The following TENM3 variants were observed in gnomAD, a reference collection of about 807,000 sequenced individuals.
TENM3 encodes teneurin transmembrane protein 3.
In TENM3, 63 loss-of-function variants were observed where a neutral mutation model predicts 255.1. The observed-to-expected ratio is 0.25, with a 90% CI of 0.20 to 0.30. TENM3 has a LOEUF of 0.30. TENM3 is among the 10% of genes least tolerant of loss of function. The pLI is 1.00. For synonymous variants in TENM3, 1,306 were observed against 1,322.3 expected, an observed-to-expected ratio of 0.99 and a Z score of 0.27; for missense variants, 2,929 against 3,461.1, an observed-to-expected ratio of 0.85 and a Z score of 3.86.
the TENM3 span, among the ~76,000 whole-genome samples, chr4:181,869,678 A>G: frequency 6.6e-6 from 1 of 152,180 alleles, no homozygotes; most frequent in Non-Finnish European, 1.5e-5. Flanking sequence ...TTTGAGATTT[A>G]GAGAGATGTA....
At chr4:181,812,118 C>A in the TENM3 span, among the ~76,000 whole-genome samples, 1 of 152,136 alleles carries the variant, frequency 6.6e-6, no homozygotes, top group Non-Finnish European at 1.5e-5. Context: ...CAAAATGACA[C>A]AAATCTGGCC....
chr4:181,888,527 CATATATGTGTAT>C, the TENM3 span, among the ~76,000 whole-genome samples: 2 of 65,298 alleles, frequency 3.1e-5, no homozygotes, highest in African/African-American at 7.4e-5. Context: ...TATATATATA[CATATATGTGTAT>C]ATATATATAT....
chr4:181,646,075 G>A, the TENM3 span, among the ~76,000 whole-genome samples: 11 of 152,240 alleles, frequency 7.2e-5, no homozygotes, highest in Admixed American at 2.6e-4. Context: ...TCCAACATGC[G>A]CAAAGCCCTG....
At chr4:182,220,819 T>G (rs1331016329) in intron 1 of TENM3, among the ~76,000 whole-genome samples, 1 of 152,176 alleles carries the variant, frequency 6.6e-6, no homozygotes, top group Non-Finnish European at 1.5e-5. Context: ...AACTGGTAAT[T>G]AATCCTGTGT....
the TENM3 span, among the ~76,000 whole-genome samples, chr4:181,567,701 G>C: frequency 1.3e-5 from 2 of 152,272 alleles, no homozygotes; most frequent in East Asian, 3.9e-4. Context: ...ACTAGAAGTT[G>C]ATAACAAGTT....
chr4:182,180,061 T>C (rs1752748574), intron 1 of TENM3, among the ~76,000 whole-genome samples: 1 of 151,998 alleles, frequency 6.6e-6, no homozygotes, highest in Non-Finnish European at 1.5e-5. Flanking sequence ...AAGTCTTTAA[T>C]AGTTGGAATT....
At chr4:181,447,910 ACCTTTTCTGCAC>A in the TENM3 span, among the ~76,000 whole-genome samples, 1 of 151,818 alleles carries the variant, frequency 6.6e-6, no homozygotes, top group African/African-American at 2.4e-5. Flanking sequence ...CTCTCTTTAT[ACCTTTTCTGCAC>A]CCTGCCTATA....
At chr4:182,621,649 TTATAA>T (rs1391031627) in intron 4 of TENM3, among the ~76,000 whole-genome samples, 1 of 30,826 alleles carries the variant, frequency 3.2e-5, no homozygotes, top group Admixed American at 2.7e-4. Flanking sequence ...ATAATACATA[TTATAA>T]TATATAATAT....
upstream of TENM3, chr4:182,141,783 T>C (rs1320937739): frequency 6.6e-6 from 1 of 152,226 alleles, no homozygotes; most frequent in East Asian, 1.9e-4. Context: ...ATTGTTTTCC[T>C]ACCTTTATTA....
At chr4:182,223,626 A>T (rs533255541) in intron 1 of TENM3, among the ~76,000 whole-genome samples, 1 of 152,224 alleles carries the variant, frequency 6.6e-6, no homozygotes, top group African/African-American at 2.4e-5. Flanking sequence ...CCTTTATATA[A>T]ATGAGAAAAC....
chr4:181,570,680 AAG>A, the TENM3 span, among the ~76,000 whole-genome samples: 4 of 150,502 alleles, frequency 2.7e-5, no homozygotes, highest in African/African-American at 9.9e-5. Context: ...GCAAGCAAGC[AAG>A]CAAGCTTCTG....
chr4:181,714,590 C>T, the TENM3 span, among the ~76,000 whole-genome samples: 3 of 152,154 alleles, frequency 2.0e-5, no homozygotes, highest in Non-Finnish European at 4.4e-5. Flanking sequence ...TGTCTGTGAC[C>T]AGTATATATT....
chr4:182,232,453 C>T (rs1458007678), intron 1 of TENM3, among the ~76,000 whole-genome samples: 1 of 152,132 alleles, frequency 6.6e-6, no homozygotes, highest in African/African-American at 2.4e-5. Flanking sequence ...CGGACAAACG[C>T]GTTGGCTCAC....
the TENM3 span, among the ~76,000 whole-genome samples, chr4:181,463,881 G>C: frequency 1.3e-5 from 2 of 152,080 alleles, no homozygotes; most frequent in South Asian, 4.2e-4. Flanking sequence ...ACTCTGTGTA[G>C]TTTATATAAA....
At chr4:182,057,462 G>A in the TENM3 span, among the ~76,000 whole-genome samples, 4 of 144,656 alleles carry the variant, frequency 2.8e-5, no homozygotes, top group East Asian at 2.0e-4. Flanking sequence ...CCAGGCAGTA[G>A]TGCAGTGGCA....
At chr4:181,585,082 G>A in the TENM3 span, among the ~76,000 whole-genome samples, 5 of 150,468 alleles carry the variant, frequency 3.3e-5, no homozygotes, top group Admixed American at 6.6e-5. Context: ...CATATGATGC[G>A]ATCACTAACT....
At chr4:181,901,286 C>T in the TENM3 span, among the ~76,000 whole-genome samples, 2 of 152,160 alleles carry the variant, frequency 1.3e-5, no homozygotes, top group African/African-American at 4.8e-5. Context: ...TGACCATATC[C>T]ACTACTCACG....
At chr4:181,708,030 TGA>T in the TENM3 span, among the ~76,000 whole-genome samples, 1 of 152,208 alleles carries the variant, frequency 6.6e-6, no homozygotes, top group African/African-American at 2.4e-5. Flanking sequence ...TTCAAAGCTA[TGA>T]AAAATTCTCA....
intron 3 of TENM3, among the ~76,000 whole-genome samples, chr4:182,597,181 T>A (rs958276268): frequency 6.6e-6 from 1 of 152,136 alleles, no homozygotes; most frequent in Non-Finnish European, 1.5e-5. Context: ...CGCGGGAGGA[T>A]CGCTTGAGCC....
Sources: allele counts gnomAD v4.1 joint callset (sites outside exome capture counted in the v4.1 genomes callset), GRCh38; gene constraint gnomAD v4.1.1; transcripts MANE v1.5; gene names NCBI Gene and HGNC (gene_info 2026-07-23, HGNC 2026-07-21).